Variants in FBXL13 observed in about 807,000 individuals in gnomAD.
The protein encoded by FBXL13 is F-box and leucine-rich repeat protein 13.
In FBXL13, 67 loss-of-function variants were observed where a neutral mutation model predicts 83.6. The ratio of observed to expected loss-of-function variants is 0.80; its 90% confidence interval spans 0.66 to 0.98. The LOEUF is 0.98. FBXL13 is among the 50% of genes least tolerant of loss of function. The pLI, the probability that FBXL13 is intolerant of heterozygous loss-of-function variation, is 0.00. For synonymous variants in FBXL13, 272 were observed against 299.5 expected (o/e 0.91, Z 0.95); for missense variants, 822 against 866.5 (o/e 0.95, Z 0.64).
At chr7:103,060,645 G>A (rs1363468256) in intron 1 of FBXL13, among the ~76,000 whole-genome samples, 2 of 152,166 alleles carry the variant, frequency 1.3e-5, no homozygotes, top group Non-Finnish European at 2.9e-5. Context: ...AAAAACAAAT[G>A]TAAGACACTT....
intron 6 of FBXL13, among the ~76,000 whole-genome samples, chr7:102,995,106 G>A (rs1245572445): frequency 2.0e-5 from 3 of 152,046 alleles, no homozygotes; most frequent in Admixed American, 6.6e-5. Context: ...GAGCACTCTG[G>A]TAGACTTTAT....
chr7:103,007,412 T>C (rs1044042834), intron 6 of FBXL13, among the ~76,000 whole-genome samples: 2 of 151,836 alleles, frequency 1.3e-5, no homozygotes, highest in African/African-American at 4.8e-5. Context: ...TTTAAAGCAA[T>C]GCTAGCCAGA....
intron 16 of FBXL13, among the ~76,000 whole-genome samples, chr7:102,870,714 T>G (rs554772667): frequency 2.6e-5 from 4 of 151,848 alleles, no homozygotes; most frequent in Non-Finnish European, 5.9e-5. Flanking sequence ...GGTCCTGGAG[T>G]GGTAGACAGG....
intron 16 of FBXL13, chr7:102,874,377 C>T: frequency 2.0e-6 from 2 of 985,286 alleles, no homozygotes; most frequent in Non-Finnish European, 2.4e-6. Context: ...CCTTTTAGTT[C>T]AGAGTTTAAC....
intron 19 of FBXL13, among the ~76,000 whole-genome samples, chr7:102,820,469 T>C (rs900790095): frequency 2.6e-5 from 4 of 152,202 alleles, no homozygotes; most frequent in Non-Finnish European, 5.9e-5. Flanking sequence ...TTTATTTTTT[T>C]TGCACGTATA....
chr7:102,954,597 C>T (rs978540585), intron 8 of FBXL13, among the ~76,000 whole-genome samples: 6 of 152,142 alleles, frequency 3.9e-5, no homozygotes, highest in Admixed American at 3.3e-4. Context: ...CACAGACTGG[C>T]AAATTGGATA....
intron 8 of FBXL13, among the ~76,000 whole-genome samples, chr7:102,961,185 C>T (rs1283081967): frequency 6.6e-6 from 1 of 150,478 alleles, no homozygotes. Flanking sequence ...TTCTTATACA[C>T]CAACAACAGA....
At chr7:102,869,765 T>G (rs547690154) in intron 16 of FBXL13, among the ~76,000 whole-genome samples, 8 of 152,296 alleles carry the variant, frequency 5.3e-5, no homozygotes, top group African/African-American at 1.7e-4. Context: ...CTTGGTGCCT[T>G]TTTCAAAAAT....
chr7:102,935,227 TTTTTTTTTTTCTTTC>T (rs1355474488), intron 8 of FBXL13, among the ~76,000 whole-genome samples: 35 of 129,862 alleles, frequency 2.7e-4, no homozygotes, highest in African/African-American at 9.6e-4. Context: ...CTCATGCTCC[TTTTTTTTTTTCTTTC>T]TTTTTTTTTT....
At chr7:102,975,774 C>A in intron 6 of FBXL13, 1 of 593,990 alleles carries the variant, frequency 1.7e-6, no homozygotes, top group Non-Finnish European at 3.0e-6. Context: ...TTGACAACAG[C>A]CCTCAAACCC....
rs1349589550 is a variant in FBXL13 at position 102,848,275 on chromosome 7, G to GGAAAGAGGAATCAGAAAT, written c.1719+6501_1719+6502insATTTCTGATTCCTCTTTC. 9.0e-4 allele frequency among the ~76,000 whole-genome samples: 101 copies of GGAAAGAGGAATCAGAAAT among 112,740 alleles called. 10 individuals carry two copies. Among genetic ancestry groups the GGAAAGAGGAATCAGAAAT allele is most frequent in the Middle Eastern group, 8.9e-3 (2 of 224 alleles). The allele number at this position is 112,740 out of a possible 152,430, so 74.0% of individuals were successfully genotyped here. ...ATCTGCATAAAAAATACACATTCGA[G>GGAAAGAGGAATCAGAAAT]GCCGGGCGCGGTGGCTCACGCCTGT... On this transcript the variant is annotated intron_variant, in intron 17 of 19. Transcript: ENST00000313221.
chr7:102,934,452 T>C (rs2129473742), intron 8 of FBXL13: 1 of 1,614,178 alleles, frequency 6.2e-7, no homozygotes, highest in Non-Finnish European at 8.5e-7. Context: ...ATGTTGCAGA[T>C]TCCCAGGAAC....
chr7:103,074,551 T>A (rs892267314), exon 1 of FBXL13: 41 of 1,216,034 alleles, frequency 3.4e-5, no homozygotes, highest in Non-Finnish European at 4.4e-5. Flanking sequence ...CGAATTTGAC[T>A]TCACTTTCTC....
At chr7:102,911,837 T>G (rs1411893536) in intron 11 of FBXL13, among the ~76,000 whole-genome samples, 1 of 152,162 alleles carries the variant, frequency 6.6e-6, no homozygotes, top group African/African-American at 2.4e-5. Context: ...TGTTGATGTT[T>G]AAAAAGCTAC....
intron 11 of FBXL13, among the ~76,000 whole-genome samples, chr7:102,912,668 T>A: frequency 7.8e-6 from 1 of 128,326 alleles, no homozygotes; most frequent in African/African-American, 3.3e-5. Context: ...CTTATAGCAT[T>A]TTACCCCCCC....
At chr7:102,968,890 T>C (rs974046612) in intron 6 of FBXL13, among the ~76,000 whole-genome samples, 1 of 152,230 alleles carries the variant, frequency 6.6e-6, no homozygotes, top group African/African-American at 2.4e-5. Flanking sequence ...GGTACAGTCA[T>C]GCTCTGCATA....
chr7:102,983,471 G>A (rs1397816575), intron 6 of FBXL13, among the ~76,000 whole-genome samples: 3 of 147,812 alleles, frequency 2.0e-5, no homozygotes, highest in Non-Finnish European at 4.4e-5. Flanking sequence ...CCAGGCTGGA[G>A]TGCAGTGGTG....
intron 11 of FBXL13, among the ~76,000 whole-genome samples, chr7:102,898,911 TTTAA>T (rs1411533565): frequency 1.3e-5 from 2 of 152,054 alleles, no homozygotes; most frequent in Non-Finnish European, 2.9e-5. Flanking sequence ...TTTAATTTAA[TTTAA>T]TTAATTATTT....
intron 10 of FBXL13, among the ~76,000 whole-genome samples, chr7:102,914,822 A>G (rs1214882105): frequency 6.6e-6 from 1 of 152,118 alleles, no homozygotes; most frequent in Non-Finnish European, 1.5e-5. Context: ...TGTCGAGTGG[A>G]CTGAGCTGTG....
Sources: gnomAD v4.1 joint callset for allele counts (sites outside exome capture counted in the v4.1 genomes callset) on GRCh38, gnomAD v4.1.1 for gene constraint, MANE v1.5 for transcripts, NCBI Gene and HGNC (gene_info 2026-07-23, HGNC 2026-07-21) for gene names.